Variants in CHD5 observed in about 807,000 individuals in gnomAD.
CHD5 encodes the protein chromodomain helicase DNA binding protein 5, also known as ATP-dependent chromatin remodeler CHD5.
CHD5 carries 69 observed loss-of-function variants against 230.3 expected under a neutral mutation model. The observed-to-expected ratio is 0.30, with a 90% CI of 0.25 to 0.37. The LOEUF is 0.37. CHD5 is among the 10% of genes least tolerant of loss of function. The pLI is 1.00. For synonymous variants in CHD5, 1,064 were observed against 1,065.9 expected, an observed-to-expected ratio of 1.00 and a Z score of 0.03; for missense variants, 1,827 against 2,622.8, an observed-to-expected ratio of 0.70 and a Z score of 6.63.
chr1:6,179,955 G>C lies in CHD5; in HGVS notation c.69C>G (p.Asp23Glu), dbSNP rs1289364383. The change falls in exon 1 of 42, where the codon GAC (aspartate) becomes GAG (glutamate). Residue 23 changes from aspartate to glutamate, a missense_variant. Physicochemically the swap from Asp to Glu is conservative, Grantham distance 45 (BLOSUM62 2). Around this residue, in one of 14 missense-constraint regions of CHD5, gnomAD observed 113 missense variants for 91.9 expected, o/e 1.23. Coordinates refer to ENST00000262450, the MANE Select transcript of CHD5 (RefSeq NM_015557.3). ...CCGCGCCCCGCTCACCTGACATCTC[G>C]TCCTCATTCTCCATCTCCTCGGCGA... ...RLFAEEMENE[D>E]EMSEEEDGGL... 3.0e-5 allele frequency: 41 copies of C among 1,359,068 alleles called. No individual in the cohort carries two copies. Among genetic ancestry groups the C allele is most frequent in the Non-Finnish European group, 3.8e-5 (40 of 1,040,348 alleles). 84.2% of individuals were successfully genotyped at this position (1,359,068 alleles called of 1,614,324 possible).
At position 6,106,706 on chromosome 1, in the gene CHD5, G is replaced by A. The variant is rs1666175177; in HGVS notation, c.5652C>T (p.Arg1884=). Residue 1884 remains arginine (R), a synonymous_variant, in exon 39 of 42, where the codon CGC becomes CGT. Transcript: ENST00000262450. Reference sequence around the variant, plus strand: ...GCAGCCGGGCGGCCACCGGGGGGATGCGGGACAGCATGGATGGCAGCCGGG... The same window carrying A: ...GCAGCCGGGCGGCCACCGGGGGGATACGGGACAGCATGGATGGCAGCCGGG... ...DVTRLPSMLS[R]IPPVAARLQM... The A allele has an allele frequency of 6.2e-7, 1 of 1,612,014 alleles. No individual in the cohort carries two copies. The highest frequency in any genetic ancestry group is 1.1e-5 in the South Asian group (1 of 90,972).
intron 2 of CHD5, among the ~76,000 whole-genome samples, chr1:6,160,732 G>A (rs1424151039): frequency 1.3e-5 from 2 of 152,252 alleles, no homozygotes. Context: ...CTCCATATGA[G>A]ACAAGGTAAT....
rs1422527887 is a variant in CHD5, at chr1:6,131,236, C to G, written c.3262+395G>C. On this transcript the variant is annotated intron_variant, in intron 21 of 41. Coordinates refer to ENST00000262450, the MANE Select transcript of CHD5 (RefSeq NM_015557.3). This position sits in a 1 kb window ranked among gnomAD's most constrained non-coding sequence, Gnocchi z 5.0. ...GGTGACTCTGGGGAAAGAGCCTGAT[C>G]ATGTGTGGCCCAGCCCTTTCACTCT... Among the ~76,000 whole-genome samples the G allele has an allele frequency of 1.3e-5, 2 of 152,102 alleles. No homozygotes were observed. The highest frequency in any genetic ancestry group is 4.8e-5 in the African/African-American group (2 of 41,414).
Position 6,122,325 on chromosome 1 carries a change from GT to G in CHD5, c.4700-753del, listed in dbSNP as rs575447069. On this transcript the variant is annotated intron_variant, in intron 31 of 41. Transcript: ENST00000262450. Reference sequence around the variant, plus strand: ...ACACGGGCACAAATGACCCAATTAAGTGTGCAAAGAATCTGAAAAGACATTT... The same window carrying G: ...ACACGGGCACAAATGACCCAATTAAGGTGCAAAGAATCTGAAAAGACATTT... Among the ~76,000 whole-genome samples, 15 of 152,318 alleles carry G rather than the reference GT, an allele frequency of 9.8e-5. No individual in the cohort carries two copies. In the East Asian group the frequency reaches 2.7e-3, roughly 27 times the overall value.
chr1:6,125,302 G>C lies in CHD5; in HGVS notation c.4261-69C>G. ...GGTGGGGGTGGAGGATTCTGGGATG[G>C]GGGAAGAAAAGCATGGGAGGAGGAG... On this transcript the variant is annotated intron_variant, in intron 28 of 41. Coordinates refer to ENST00000262450, the MANE Select transcript of CHD5 (RefSeq NM_015557.3). The surrounding 1 kb of genome is among the most constrained non-coding windows in gnomAD (Gnocchi z 6.7). 6.7e-7 allele frequency: 1 copy of C among 1,491,128 alleles called. No individual in the cohort carries two copies. Among genetic ancestry groups the C allele is most frequent in the Non-Finnish European group, 9.0e-7 (1 of 1,107,866 alleles). The allele number at this position is 1,491,128 out of a possible 1,614,324, so 92.4% of individuals were successfully genotyped here.
In CHD5 at chr1:6,106,414, G is replaced by A; in HGVS notation, c.5838C>T (p.Pro1946=). Residue 1946 remains proline (P), a synonymous_variant, in exon 40 of 42, where the codon CCC becomes CCT. Coordinates refer to ENST00000262450, the MANE Select transcript of CHD5 (RefSeq NM_015557.3). ...ACCTACCGGTCACATAGGGCCCCAG[G>A]GGCATCTGGTTGTAGTTGACAATCC... ...PGGIVNYNQM[P]LGPYVTDI The A allele has an allele frequency of 6.3e-7, 1 of 1,591,788 alleles. No individual in the cohort carries two copies. The highest frequency in any genetic ancestry group is 8.5e-7 in the Non-Finnish European group (1 of 1,169,678).
At chr1:6,110,232 G>C (rs1666263267) in intron 37 of CHD5, among the ~76,000 whole-genome samples, 162 bp downstream of exon 37, 1 of 150,654 alleles carries the variant, frequency 6.6e-6, no homozygotes, top group Non-Finnish European at 1.5e-5. Flanking sequence ...GCCAGAGCAA[G>C]GATCCACCAC....
At chr1:6,141,831 C>G (rs1444657729) in intron 15 of CHD5, among the ~76,000 whole-genome samples, 1 of 152,182 alleles carries the variant, frequency 6.6e-6, no homozygotes, top group African/African-American at 2.4e-5. Context: ...GGGTTCTCCC[C>G]TAGGGCTTTC....
intron 31 of CHD5, among the ~76,000 whole-genome samples, chr1:6,122,042 G>A (rs561181758): frequency 6.6e-6 from 1 of 152,366 alleles, no homozygotes; most frequent in East Asian, 1.9e-4. Flanking sequence ...GGTGGGCACA[G>A]CCGGGAAAGC....
intron 15 of CHD5, among the ~76,000 whole-genome samples, 171 bp downstream of exon 15, chr1:6,141,957 C>T (rs1186584495): frequency 6.6e-6 from 1 of 152,122 alleles, no homozygotes; most frequent in Non-Finnish European, 1.5e-5. Context: ...TTACAGGAGC[C>T]CCAGAAAACT....
Position 6,124,663 on chromosome 1 carries a change from TG to T in CHD5, c.4395-3del. The T allele has an allele frequency of 3.4e-5, 2 of 58,500 alleles. No homozygotes were observed. Among genetic ancestry groups the T allele is most frequent in the Non-Finnish European group, 2.8e-5 (1 of 35,146 alleles). The allele number at this position is 58,500 out of a possible 1,614,324, so 3.6% of individuals were successfully genotyped here. A position where few individuals can be genotyped will look rare whatever the true frequency, so the allele number is the denominator to read the frequency against. On this transcript the variant is annotated splice_region_variant and splice_polypyrimidine_tract_variant and intron_variant, in intron 29 of 41. Coordinates refer to ENST00000262450, the MANE Select transcript of CHD5 (RefSeq NM_015557.3). ...CGCATGAAGAGGGACACATAGGCTC[TG>T]GGGTGGGGGGGGGGGACTGGGGCTC...
Position 6,134,234 on chromosome 1 carries a change from G to C in CHD5, c.3038C>G (p.Ser1013Cys). Residue 1013 changes from serine (S) to cysteine (C), a missense_variant, in exon 20 of 42, where the codon TCC becomes TGC. Ser to Cys is a moderately radical substitution (Grantham distance 112, BLOSUM62 -1). Coordinates refer to ENST00000262450, the MANE Select transcript of CHD5 (RefSeq NM_015557.3). This position sits in a 1 kb window ranked among gnomAD's most constrained non-coding sequence, Gnocchi z 6.3. ...CTTGACCAGGGAGCTTCCATCGTAG[G>C]AGCCATTGGGCAAGACAGGGGCCTC... ...AVEAPVLPNG[S>C]YDGSSLVKSS... The C allele has an allele frequency of 1.9e-6, 3 of 1,613,614 alleles. No individual in the cohort carries two copies. The highest frequency in any genetic ancestry group is 2.5e-6 in the Non-Finnish European group (3 of 1,179,982).
Position 6,142,402 on chromosome 1 carries a change from C to T in CHD5, c.2235+12G>A, listed in dbSNP as rs1298291911. 6.2e-7 allele frequency: 1 copy of T among 1,600,124 alleles called. No individual in the cohort carries two copies. The highest frequency in any genetic ancestry group is 1.7e-5 in the Admixed American group (1 of 59,532). On this transcript the variant is annotated intron_variant, in intron 14 of 41. Coordinates refer to ENST00000262450, the MANE Select transcript of CHD5 (RefSeq NM_015557.3). This position sits in a 1 kb window ranked among gnomAD's most constrained non-coding sequence, Gnocchi z 5.2. ...CAGCCACCCCTCCTGGCCGCCTGCC[C>T]CGCCTGCCCACCTCCTTGTAGAGGG...
At chr1:6,145,794 A>G (rs1666899841) in intron 11 of CHD5, among the ~76,000 whole-genome samples, 1 of 152,152 alleles carries the variant, frequency 6.6e-6, no homozygotes, top group African/African-American at 2.4e-5. Context: ...AGTAAAACAG[A>G]GGTGAAAGTA....
At chr1:6,159,624 C>T in intron 2 of CHD5, 109 bp from the exon 3 acceptor site, 4 of 834,542 alleles carry the variant, frequency 4.8e-6, no homozygotes, top group South Asian at 1.7e-5. Context: ...TGGGGATCGA[C>T]CGATCCCCAT....
Position 6,146,863 on chromosome 1 carries a change from T to TG in CHD5, c.1391dup (p.Leu465ThrfsTer28). The TG allele has an allele frequency of 6.6e-7, 1 of 1,509,492 alleles. No homozygotes were observed. 93.5% of individuals were successfully genotyped at this position (1,509,492 alleles called of 1,614,324 possible). On this transcript the variant is annotated frameshift_variant, in exon 10 of 42. Coordinates refer to ENST00000262450, the MANE Select transcript of CHD5 (RefSeq NM_015557.3). LOFTEE classifies it high-confidence loss of function. The surrounding 1 kb of genome is among the most constrained non-coding windows in gnomAD (Gnocchi z 5.1). ...GAATCCGCTGGACTTTGCCCTTCAG[T>TG]GGGGGGCACTGTGGACAGAGAAGGG...
Position 6,134,605 on chromosome 1 carries a change from G to A in CHD5, c.3012+113C>T, listed in dbSNP as rs982448413. 1.5e-4 allele frequency: 169 copies of A among 1,156,452 alleles called. No individual in the cohort carries two copies. The highest frequency in any genetic ancestry group is 5.5e-5 in the South Asian group (4 of 73,294). 71.6% of individuals were successfully genotyped at this position (1,156,452 alleles called of 1,614,324 possible). A position where few individuals can be genotyped will look rare whatever the true frequency, so the allele number is the denominator to read the frequency against. The stretch of plus-strand genomic sequence containing the variant: ...ACCTACCATGACAGCCACAGAAATC[G>A]CCACAATGGCCAGGAGAACCTATCA... On this transcript the variant is annotated intron_variant, in intron 19 of 41. Transcript: ENST00000262450. This position sits in a 1 kb window ranked among gnomAD's most constrained non-coding sequence, Gnocchi z 6.3.
In CHD5 at chr1:6,176,000, GTAGA is replaced by G. The variant is rs527753931; in HGVS notation, c.79+3941_79+3944del. 7.9e-5 allele frequency among the ~76,000 whole-genome samples: 12 copies of G among 151,436 alleles called. No individual in the cohort carries two copies. The South Asian group carries it at 2.1e-3, about 26-fold the overall frequency. On this transcript the variant is annotated intron_variant, in intron 1 of 41. Transcript: ENST00000262450. ...TGGATGGGTAGATGTGGGTGGGTAG[GTAGA>G]TGGATGGATGGATGATGGGTGAGCG...
intron 38 of CHD5, among the ~76,000 whole-genome samples, chr1:6,109,545 C>T (rs897005294): frequency 1.3e-5 from 2 of 152,230 alleles, no homozygotes; most frequent in Admixed American, 6.5e-5. Context: ...GTGTCACTAG[C>T]CCGGGCCGGG....
Sources: allele counts gnomAD v4.1 joint callset (sites outside exome capture counted in the v4.1 genomes callset), GRCh38; gene constraint gnomAD v4.1.1; regional missense constraint gnomAD v4.1.1; non-coding constraint Gnocchi (gnomAD v3.1); transcripts MANE v1.5; gene names NCBI Gene and HGNC (gene_info 2026-07-23, HGNC 2026-07-21).